ARPC1A: variants seen among roughly 807,000 people sequenced by gnomAD.
ARPC1A encodes the protein actin related protein 2/3 complex subunit 1A, also known as actin-related protein 2/3 complex subunit 1A.
A neutral mutation model predicts 46.9 loss-of-function variants in ARPC1A; 8 were observed. The ratio of observed to expected loss-of-function variants is 0.17; its 90% CI spans 0.10 to 0.31. The LOEUF (loss-of-function observed/expected upper bound fraction) is 0.31. ARPC1A is among the 10% of genes least tolerant of loss of function. The probability of loss-of-function intolerance (pLI) is 1.00; values close to 1 mark genes in which losing one functional copy is unlikely to be tolerated. For synonymous variants in ARPC1A, 152 were observed against 169.0 expected (o/e 0.90, Z 0.78); for missense variants, 286 against 483.6 (o/e 0.59, Z 3.83).
intron 8 of ARPC1A, among the ~76,000 whole-genome samples, chr7:99,363,170 C>T (rs1793772389): frequency 6.6e-6 from 1 of 152,202 alleles, no homozygotes; most frequent in Non-Finnish European, 1.5e-5. Flanking sequence ...AACTTCTCCC[C>T]TTGCCAGTTT....
intron 3 of ARPC1A, among the ~76,000 whole-genome samples, chr7:99,342,998 C>T (rs1008191994): frequency 1.3e-5 from 2 of 151,960 alleles, no homozygotes; most frequent in South Asian, 2.1e-4. Context: ...CCACCGCGCC[C>T]GGCCTAACTC....
chr7:99,330,817 T>C (rs1793132963), intron 1 of ARPC1A, among the ~76,000 whole-genome samples: 1 of 152,108 alleles, frequency 6.6e-6, no homozygotes, highest in Non-Finnish European at 1.5e-5. Context: ...GAAACTTGAG[T>C]TTATTGTGAG....
chr7:99,364,506 A>G (rs1793797361), intron 9 of ARPC1A, among the ~76,000 whole-genome samples: 1 of 151,950 alleles, frequency 6.6e-6, no homozygotes. Context: ...TCCCAACCTC[A>G]GGTGATCCAC....
chr7:99,356,605 CAA>C (rs569874360), intron 6 of ARPC1A, among the ~76,000 whole-genome samples: 17 of 98,622 alleles, frequency 1.7e-4, no homozygotes, highest in Admixed American at 1.2e-4. Flanking sequence ...GACTCTGTCT[CAA>C]AAAAAAAAAA....
chr7:99,352,160 C>T (rs1043101062), intron 5 of ARPC1A, among the ~76,000 whole-genome samples: 3 of 152,134 alleles, frequency 2.0e-5, no homozygotes, highest in African/African-American at 7.2e-5. Context: ...CGCAGGCTTC[C>T]TGGAGTACTG....
chr7:99,348,972 G>A lies in ARPC1A; in HGVS notation c.500+13G>A. On this transcript the variant is annotated intron_variant, in intron 5 of 9. Coordinates refer to ENST00000262942, the MANE Select transcript of ARPC1A (RefSeq NM_006409.4). The stretch of plus-strand genomic sequence containing the variant: ...ACTTCAAATGCAGGTGGGAACCAGT[G>A]AGAACTGATAAACTTGAGCCGTGCA... The A allele has an allele frequency of 6.2e-7, 1 of 1,603,130 alleles. No homozygotes were observed. The highest frequency in any genetic ancestry group is 8.5e-7 in the Non-Finnish European group (1 of 1,170,936).
intron 4 of ARPC1A, among the ~76,000 whole-genome samples, chr7:99,345,381 G>A (rs1163259124): frequency 6.6e-6 from 1 of 152,104 alleles, no homozygotes; most frequent in African/African-American, 2.4e-5. Flanking sequence ...TGCTGACCCA[G>A]TCAAAACACA....
At chr7:99,360,955 A>C (rs1183136682) in intron 8 of ARPC1A, among the ~76,000 whole-genome samples, 1 of 151,602 alleles carries the variant, frequency 6.6e-6, no homozygotes, top group African/African-American at 2.4e-5. Context: ...AAAAAAAAAA[A>C]AAAAGGCACC....
chr7:99,362,992 A>G (rs867372574), intron 8 of ARPC1A, among the ~76,000 whole-genome samples: 61 of 152,052 alleles, frequency 4.0e-4, no homozygotes, highest in African/African-American at 1.3e-3. Context: ...GTTTGGAGCT[A>G]TGGAATTCAG....
chr7:99,349,049 T>C, intron 5 of ARPC1A, 90 bp downstream of exon 5: 1 of 1,291,596 alleles, frequency 7.7e-7, no homozygotes, highest in Non-Finnish European at 1.1e-6. Context: ...GTTTTTTGTT[T>C]TGTTGTGGTT....
intron 2 of ARPC1A, among the ~76,000 whole-genome samples, chr7:99,336,107 A>G (rs554832636): frequency 2.0e-5 from 3 of 152,314 alleles, no homozygotes; most frequent in African/African-American, 7.2e-5. Context: ...ATCTAATAAT[A>G]GGCTTTTGGA....
At chr7:99,333,625 A>G (rs561771156) in intron 2 of ARPC1A, among the ~76,000 whole-genome samples, 1 of 152,202 alleles carries the variant, frequency 6.6e-6, no homozygotes, top group Non-Finnish European at 1.5e-5. Flanking sequence ...CAGAGGTTAC[A>G]TACCAAGTTC....
At chr7:99,335,136 G>A (rs147642358) in intron 2 of ARPC1A, among the ~76,000 whole-genome samples, 2,933 of 151,898 alleles carry the variant, frequency 0.019, 47 homozygotes, top group Non-Finnish European at 0.032. Flanking sequence ...AAGCCACTGC[G>A]CCCGGCCCAC....
chr7:99,327,477 ATT>A (rs112492087), intron 1 of ARPC1A, among the ~76,000 whole-genome samples: 7 of 138,974 alleles, frequency 5.0e-5, no homozygotes, highest in Admixed American at 7.2e-5. Context: ...CGCCTGGCTA[ATT>A]TTTTTTTTTT....
intron 2 of ARPC1A, among the ~76,000 whole-genome samples, chr7:99,336,996 A>T (rs1027050644): frequency 2.0e-5 from 3 of 152,000 alleles, no homozygotes; most frequent in East Asian, 1.9e-4. Context: ...AAAAAAACAG[A>T]TGAACTAGAT....
intron 2 of ARPC1A, chr7:99,335,400 T>A (rs1312852111): frequency 2.2e-6 from 1 of 447,028 alleles, no homozygotes; most frequent in Non-Finnish European, 4.5e-6. Flanking sequence ...TGAGAGTTTA[T>A]TTCTGGACTC....
rs765238251 is a variant in ARPC1A, at chr7:99,333,455, C to G, written c.64+38C>G. The G allele has an allele frequency of 6.4e-6, 10 of 1,568,764 alleles. 1 individual carries two copies. In the African/African-American group the frequency reaches 6.8e-5, roughly 11 times the overall value. On this transcript the variant is annotated intron_variant, in intron 2 of 9. Coordinates refer to ENST00000262942, the MANE Select transcript of ARPC1A (RefSeq NM_006409.4). Reference sequence around the variant, plus strand: ...TTAACTTTGCTTTTGTATTTTGGTACCTTTGGTACATTTCATCTTTAGACA... The same window carrying G: ...TTAACTTTGCTTTTGTATTTTGGTAGCTTTGGTACATTTCATCTTTAGACA...
chr7:99,333,495 A>G lies in ARPC1A; in HGVS notation c.64+78A>G. The G allele has an allele frequency of 3.3e-6, 4 of 1,223,776 alleles. No individual in the cohort carries two copies. In the South Asian group the frequency reaches 3.8e-5, roughly 12 times the overall value. 75.8% of individuals were successfully genotyped at this position (1,223,776 alleles called of 1,614,324 possible). A position where few individuals can be genotyped will look rare whatever the true frequency, so the allele number is the denominator to read the frequency against. ...ATCTTTAGACACATTTAGGGCTCAC[A>G]TATCTCAGTATCACATGTGCAAAGA... is the stretch of plus-strand genomic sequence containing the variant. On this transcript the variant is annotated intron_variant, in intron 2 of 9. Transcript: ENST00000262942.
chr7:99,349,562 G>A (rs1312394034), intron 5 of ARPC1A, among the ~76,000 whole-genome samples: 9 of 151,936 alleles, frequency 5.9e-5, no homozygotes, highest in African/African-American at 2.2e-4. Flanking sequence ...AAAGAGGCCG[G>A]GCGCAGTAGC....
Sources: allele counts gnomAD v4.1 joint callset (sites outside exome capture counted in the v4.1 genomes callset), GRCh38; gene constraint gnomAD v4.1.1; transcripts MANE v1.5; gene names NCBI Gene and HGNC (gene_info 2026-07-23, HGNC 2026-07-21).